Variants in SNX25 observed in about 807,000 individuals in gnomAD.
The protein encoded by SNX25 is sorting nexin 25, also known as sorting nexin-25.
SNX25 carries 62 observed loss-of-function variants against 113.7 expected under a neutral mutation model. That is an observed-to-expected ratio of 0.55 (90% CI 0.44 to 0.67). The LOEUF (loss-of-function observed/expected upper bound fraction) is 0.67, where lower values mean the gene tolerates loss of function less well. Among genes scored for constraint, SNX25 ranks in the 30% least tolerant of loss-of-function variants. The pLI is 0.00. For synonymous variants in SNX25, 421 were observed against 436.2 expected (o/e 0.97, Z 0.43); for missense variants, 1,014 against 1,161.0 (o/e 0.87, Z 1.84).
At position 185,267,110 on chromosome 4, in the gene SNX25, A is replaced by G. The variant is rs942144343; in HGVS notation, c.1046A>G (p.Lys349Arg). ...TYAPSYEDFI[K>R]LINSNSDVEF... ...GCCCCCTCTTACGAGGACTTCATCA[A>G]GCTCATTAACAGCAACTCTGATGTG... Residue 349 changes from lysine (K) to arginine (R), a missense_variant, in exon 5 of 19, where the codon AAG becomes AGG. Transcript: ENST00000652585. 2.5e-6 allele frequency: 4 copies of G among 1,613,904 alleles called. No homozygotes were observed. The highest frequency in any genetic ancestry group is 3.3e-5 in the Admixed American group (2 of 59,986).
chr4:185,323,481 C>T (rs745732499), intron 8 of SNX25, 47 bp from the exon 9 acceptor site: 1 of 1,529,606 alleles, frequency 6.5e-7, no homozygotes, highest in Non-Finnish European at 8.9e-7. Flanking sequence ...AATAATTTCT[C>T]TCAGAGATGA....
chr4:185,239,354 G>T lies in SNX25; in HGVS notation c.430-7940G>T, dbSNP rs200491880. Among the ~76,000 whole-genome samples, 8 of 152,122 alleles carry T rather than the reference G, an allele frequency of 5.3e-5. No homozygotes were observed. In the East Asian group the frequency reaches 7.7e-4, roughly 15 times the overall value. ...AAAAATTAGCCGGGCGTGGTGGTGG[G>T]CACCTGTAGTCCCAGCTACTCGGGA... On this transcript the variant is annotated intron_variant, in intron 1 of 18. Coordinates refer to ENST00000652585, the MANE Select transcript of SNX25 (RefSeq NM_001378034.2).
chr4:185,310,485 A>G (rs1560996579), intron 6 of SNX25, 150 bp from the exon 7 acceptor site: 7 of 513,974 alleles, frequency 1.4e-5, no homozygotes, highest in Admixed American at 3.9e-5. Context: ...GGGAGTATGT[A>G]TATGTATTTA....
chr4:185,340,727 G>T (rs2095255545), intron 11 of SNX25, among the ~76,000 whole-genome samples: 1 of 151,866 alleles, frequency 6.6e-6, no homozygotes, highest in Admixed American at 6.5e-5. Context: ...TCCAAAGGCA[G>T]ATATTAGGGG....
At chr4:185,269,657 G>A (rs979641840) in intron 5 of SNX25, among the ~76,000 whole-genome samples, 1 of 152,162 alleles carries the variant, frequency 6.6e-6, no homozygotes, top group African/African-American at 2.4e-5. Flanking sequence ...GTGCCAAACT[G>A]AAGATTCCAG....
At chr4:185,367,041 G>A, downstream of SNX25, 1 of 772,928 alleles carries the variant, frequency 1.3e-6, no homozygotes, top group Non-Finnish European at 2.1e-6. Context: ...ACGAATTCAA[G>A]AACGAAGTAA....
intron 2 of SNX25, among the ~76,000 whole-genome samples, chr4:185,252,989 G>A (rs1342413400): frequency 6.6e-6 from 1 of 152,138 alleles, no homozygotes; most frequent in Non-Finnish European, 1.5e-5. Context: ...TGAGAAGGCA[G>A]AACAGTTACC....
In SNX25 at chr4:185,332,718, G is replaced by A. The variant is rs1453385984; in HGVS notation, c.1873G>A (p.Ala625Thr). 2.5e-6 allele frequency: 4 copies of A among 1,613,822 alleles called. No individual in the cohort carries two copies. The African/African-American group carries it at 4.0e-5, about 16-fold the overall frequency. The change falls in exon 10 of 19, where the codon GCT (alanine) becomes ACT (threonine). Residue 625 changes from alanine to threonine, a missense_variant. By Grantham distance (58) the Ala-to-Thr change is moderately conservative (BLOSUM62 0). Transcript: ENST00000652585. The part of the protein sequence containing the change: ...LNEKLEYKRQ[A>T]LNSIQNAPKP... ...TGAGAAACTTGAATATAAAAGGCAA[G>A]CTCTAAATTCTATTCAAAATGCACC...
intron 12 of SNX25, among the ~76,000 whole-genome samples, chr4:185,343,761 G>A (rs1033806654): frequency 1.3e-4 from 20 of 152,058 alleles, no homozygotes; most frequent in Admixed American, 1.1e-3. Context: ...CTTGCTTAGC[G>A]TGAACTGATA....
At chr4:185,301,744 G>A (rs531437614) in intron 6 of SNX25, among the ~76,000 whole-genome samples, 185 of 150,840 alleles carry the variant, frequency 1.2e-3, no homozygotes, top group Admixed American at 2.2e-3. Context: ...GCGCCAGCAC[G>A]CTCGGCTAAT....
At chr4:185,373,851 C>A (rs530541259), downstream of SNX25, among the ~76,000 whole-genome samples, 124 of 152,236 alleles carry the variant, frequency 8.1e-4, 1 homozygote, top group South Asian at 1.9e-3. Context: ...TCTGTTCATG[C>A]TTAGAAGGAT....
chr4:185,270,491 G>A (rs573575085), intron 5 of SNX25, among the ~76,000 whole-genome samples: 1 of 152,368 alleles, frequency 6.6e-6, no homozygotes, highest in East Asian at 1.9e-4. Context: ...TTAAGAGGCA[G>A]TAGAAGTGCT....
At chr4:185,248,694 G>A (rs907783716) in intron 2 of SNX25, among the ~76,000 whole-genome samples, 21 of 152,070 alleles carry the variant, frequency 1.4e-4, no homozygotes, top group Non-Finnish European at 2.9e-5. Flanking sequence ...CTTTTATTGA[G>A]GTAAAATTTA....
downstream of SNX25, chr4:185,366,819 T>A (rs1331237930): frequency 6.3e-6 from 1 of 159,246 alleles, no homozygotes; most frequent in African/African-American, 2.4e-5. Context: ...TAAATAAGTT[T>A]GTTTCTACTT....
rs1411921860 is a variant in SNX25 at position 185,210,407 on chromosome 4, C to G, written c.429+152C>G. Among the ~76,000 whole-genome samples, 1 of 137,504 alleles carries G rather than the reference C, an allele frequency of 7.3e-6. No homozygotes were observed. The highest frequency in any genetic ancestry group is 2.5e-5 in the African/African-American group (1 of 40,312). 90.2% of individuals were successfully genotyped at this position (137,504 alleles called of 152,430 possible). On this transcript the variant is annotated intron_variant, in intron 1 of 18. Transcript: ENST00000652585. The surrounding 1 kb of genome is among the most constrained non-coding windows in gnomAD (Gnocchi z 4.4). ...GCTGGGCTGCGGGCCCGGCCGTGGA[C>G]GCGAGCGTTCCCCGGCGCCCGCGCG...
At position 185,209,892 on chromosome 4, in the gene SNX25, C is replaced by T; in HGVS notation, c.66C>T (p.Gly22=). Residue 22 remains glycine (G), a synonymous_variant, in exon 1 of 19, where the codon GGC becomes GGT. Transcript: ENST00000652585. The surrounding 1 kb of genome is among the most constrained non-coding windows in gnomAD (Gnocchi z 5.2). ...GCCCCGCGCGGGCCGCAGGCGCCGG[C>T]GGCCGTCCTGTCTCGGGCTTCAGGG... ...GPSPARAAGA[G]GRPVSGFRGE... 1.0e-6 allele frequency: 1 copy of T among 983,336 alleles called. No homozygotes were observed. The highest frequency in any genetic ancestry group is 6.2e-5 in the Admixed American group (1 of 16,104). 60.9% of individuals were successfully genotyped at this position (983,336 alleles called of 1,614,324 possible). A position where few individuals can be genotyped will look rare whatever the true frequency, so the allele number is the denominator to read the frequency against.
chr4:185,239,449 C>G (rs756145645), intron 1 of SNX25, among the ~76,000 whole-genome samples: 8 of 150,750 alleles, frequency 5.3e-5, no homozygotes, highest in Non-Finnish European at 7.4e-5. Flanking sequence ...CACCGCTGCA[C>G]TCCAGCCTGG....
intron 6 of SNX25, among the ~76,000 whole-genome samples, chr4:185,292,662 C>G (rs963170482): frequency 1.3e-5 from 2 of 152,162 alleles, no homozygotes; most frequent in African/African-American, 4.8e-5. Context: ...CTCAGCCTCC[C>G]AAAGTGCTGG....
intron 1 of SNX25, among the ~76,000 whole-genome samples, chr4:185,235,306 G>C (rs779514609): frequency 3.9e-5 from 6 of 152,176 alleles, no homozygotes; most frequent in Non-Finnish European, 8.8e-5. Flanking sequence ...ACAGATGTAG[G>C]CTTTTGGAAG....
Sources: allele counts gnomAD v4.1 joint callset (sites outside exome capture counted in the v4.1 genomes callset), GRCh38; gene constraint gnomAD v4.1.1; non-coding constraint Gnocchi (gnomAD v3.1); transcripts MANE v1.5; gene names NCBI Gene and HGNC (gene_info 2026-07-23, HGNC 2026-07-21).